Variants in KDM7A observed in about 807,000 individuals in gnomAD.
The protein encoded by KDM7A is lysine demethylase 7A.
In KDM7A, 28 loss-of-function variants were observed where a neutral mutation model predicts 114.8. That is an observed-to-expected ratio of 0.24 (90% confidence interval 0.18 to 0.33). The LOEUF is 0.33. KDM7A is among the 10% of genes least tolerant of loss of function. KDM7A has a pLI of 1.00. For synonymous variants in KDM7A, 423 were observed against 397.8 expected, an observed-to-expected ratio of 1.06 and a Z score of -0.75; for missense variants, 942 against 1,142.5, an observed-to-expected ratio of 0.82 and a Z score of 2.53.
chr7:140,105,103 G>A (rs770496190), intron 11 of KDM7A, among the ~76,000 whole-genome samples: 10 of 152,164 alleles, frequency 6.6e-5, no homozygotes, highest in Admixed American at 1.3e-4. Context: ...TGTTATTGGT[G>A]TATAGGAATG....
intron 7 of KDM7A, among the ~76,000 whole-genome samples, chr7:140,121,454 T>C (rs997982469): frequency 7.9e-5 from 12 of 152,334 alleles, no homozygotes; most frequent in East Asian, 5.8e-4. Context: ...AGTGTGCCCA[T>C]TGCTGTGCTC....
intron 11 of KDM7A, among the ~76,000 whole-genome samples, chr7:140,105,441 T>C (rs1255700375): frequency 1.3e-5 from 2 of 152,244 alleles, no homozygotes; most frequent in Non-Finnish European, 2.9e-5. Context: ...AAATAGCTCT[T>C]ATTATTTTGA....
rs138907313 is a variant in KDM7A at position 140,120,872 on chromosome 7, T to C, written c.1052-343A>G. ...ATCCTCTCACATTGGCCTCCCAAAG[T>C]GCTGAAATTAAGGCGTGAGCCACTG... On this transcript the variant is annotated intron_variant, in intron 7 of 19. Coordinates refer to ENST00000397560, the MANE Select transcript of KDM7A (RefSeq NM_030647.2). Among the ~76,000 whole-genome samples, 622 of 152,348 alleles carry C rather than the reference T, an allele frequency of 4.1e-3. 6 individuals are homozygous for C. Among genetic ancestry groups the C allele is most frequent in the Admixed American group, 7.6e-3 (116 of 15,300 alleles).
At chr7:140,140,417 T>C (rs1794252865) in intron 1 of KDM7A, among the ~76,000 whole-genome samples, 1 of 152,196 alleles carries the variant, frequency 6.6e-6, no homozygotes, top group Non-Finnish European at 1.5e-5. Flanking sequence ...GATACTTCCA[T>C]AATCTGGAAA....
intron 12 of KDM7A, among the ~76,000 whole-genome samples, chr7:140,100,713 T>TATACAC (rs1818201088): frequency 3.0e-5 from 1 of 33,096 alleles, no homozygotes; most frequent in Non-Finnish European, 8.2e-5. Flanking sequence ...TATATACACA[T>TATACAC]ATATATATAT....
At chr7:140,099,841 G>T in intron 13 of KDM7A, 58 bp downstream of exon 13, 1 of 1,529,582 alleles carries the variant, frequency 6.5e-7, no homozygotes, top group South Asian at 1.1e-5. Context: ...TGGGTTAAAT[G>T]AACAAAGGGA....
At chr7:140,131,520 GCA>G (rs1414569648) in intron 3 of KDM7A, among the ~76,000 whole-genome samples, 1 of 152,112 alleles carries the variant, frequency 6.6e-6, no homozygotes, top group African/African-American at 2.4e-5. Context: ...CTCTCGTAAG[GCA>G]AGGGCAAGCC....
Position 140,102,131 on chromosome 7 carries a change from C to T in KDM7A, c.1458G>A (p.Gln486=), listed in dbSNP as rs1367813384. 1.2e-6 allele frequency: 2 copies of T among 1,613,834 alleles called. No individual in the cohort carries two copies. The highest frequency in any genetic ancestry group is 1.3e-5 in the African/African-American group (1 of 74,914). ...EEENGKPVKS[Q]GIPIVCPVSR... ...AAACTGGACACACAATAGGAATTCC[C>T]TGAGATTTAACTGGTTTGCCGTTTT... is the stretch of plus-strand genomic sequence containing the variant. Residue 486 remains glutamine, a synonymous_variant, in exon 12 of 20, where the codon CAG becomes CAA. Transcript: ENST00000397560.
At chr7:140,099,655 C>G (rs997101555) in intron 13 of KDM7A, among the ~76,000 whole-genome samples, 1 of 152,190 alleles carries the variant, frequency 6.6e-6, no homozygotes, top group African/African-American at 2.4e-5. Context: ...ATTAGATTGT[C>G]ATAGGAGCGT....
At chr7:140,115,054 G>A (rs543347806) in intron 9 of KDM7A, among the ~76,000 whole-genome samples, 65 of 151,522 alleles carry the variant, frequency 4.3e-4, no homozygotes, top group African/African-American at 1.2e-3. Context: ...GCCCCTGCTC[G>A]GCCAGCCGCC....
intron 9 of KDM7A, among the ~76,000 whole-genome samples, chr7:140,114,114 G>A (rs370852148): frequency 9.9e-5 from 15 of 151,456 alleles, no homozygotes; most frequent in African/African-American, 3.4e-4. Context: ...CCAGAAAGAC[G>A]TATGTAACCA....
In KDM7A at chr7:140,091,974, T is replaced by C. The variant is rs1390955267; in HGVS notation, c.2561A>G (p.Gln854Arg). The C allele has an allele frequency of 6.2e-7, 1 of 1,614,136 alleles. No homozygotes were observed. Among genetic ancestry groups the C allele is most frequent in the South Asian group, 1.1e-5 (1 of 91,084 alleles). The change falls in exon 19 of 20, where the codon CAG (glutamine) becomes CGG (arginine). Residue 854 changes from glutamine to arginine, a missense_variant. Physicochemically the swap from Gln to Arg is conservative, Grantham distance 43 (BLOSUM62 1). Transcript: ENST00000397560. Reference protein sequence around the residue: ...NYVDSSGSSLQNGKYMQNSNL... With the variant: ...NYVDSSGSSLRNGKYMQNSNL... ...TGAATTCTGCATATACTTTCCATTC[T>C]GAAGGCTTGAGCCGCTGCTGTCCAC...
At chr7:140,132,942 C>T (rs759714923) in intron 3 of KDM7A, among the ~76,000 whole-genome samples, 3 of 152,164 alleles carry the variant, frequency 2.0e-5, no homozygotes, top group Non-Finnish European at 4.4e-5. Context: ...AGCATTATCA[C>T]TTGAAATAGA....
intron 11 of KDM7A, among the ~76,000 whole-genome samples, chr7:140,104,207 A>T (rs1818286596): frequency 1.3e-5 from 2 of 152,304 alleles, no homozygotes; most frequent in South Asian, 2.1e-4. Context: ...GATGCTGGAT[A>T]TTAGCCCATT....
At chr7:140,094,276 A>C (rs1818068451) in intron 17 of KDM7A, 138 bp from the exon 18 acceptor site, 1 of 657,228 alleles carries the variant, frequency 1.5e-6, no homozygotes, top group Admixed American at 2.3e-5. Flanking sequence ...AGGCCAAGGC[A>C]GGTCAATCAC....
At chr7:140,159,962 A>AC (rs935935820) in intron 1 of KDM7A, among the ~76,000 whole-genome samples, 3 of 151,708 alleles carry the variant, frequency 2.0e-5, no homozygotes, top group South Asian at 2.1e-4. Context: ...AAAAAAAAAA[A>AC]AAACCTGTAC....
Position 140,122,716 on chromosome 7 carries a change from T to C in KDM7A, c.1051+1905A>G, listed in dbSNP as rs551771158. 1.1e-3 allele frequency among the ~76,000 whole-genome samples: 162 copies of C among 152,310 alleles called. 2 individuals carry two copies. The highest frequency in any genetic ancestry group is 3.7e-3 in the African/African-American group (154 of 41,564). On this transcript the variant is annotated intron_variant, in intron 7 of 19. Coordinates refer to ENST00000397560, the MANE Select transcript of KDM7A (RefSeq NM_030647.2). ...CTCAAAATGAGAGGCCTGATACCTA[T>C]ACTTGAGGCTACAGCTAAGGCTGAT...
rs189940960 is a variant in KDM7A, at chr7:140,087,535, G to C, written c.*3559C>G. The C allele has an allele frequency of 6.6e-6, 1 of 152,284 alleles. No homozygotes were observed. Among genetic ancestry groups the C allele is most frequent in the African/African-American group, 2.4e-5 (1 of 41,578 alleles). 9.4% of individuals were successfully genotyped at this position (152,284 alleles called of 1,614,324 possible). On this transcript the variant is annotated 3_prime_UTR_variant, in exon 20 of 20. Coordinates refer to ENST00000397560, the MANE Select transcript of KDM7A (RefSeq NM_030647.2). ...ATATATAAAGGTGCATTAATTGCCA[G>C]TTTTAACTTAATGATAAGTTCTCTG...
At chr7:140,107,225 T>C (rs953321539) in intron 11 of KDM7A, among the ~76,000 whole-genome samples, 1 of 152,180 alleles carries the variant, frequency 6.6e-6, no homozygotes, top group African/African-American at 2.4e-5. Flanking sequence ...CTCTTTATCC[T>C]ATTTGCCGGT....
Sources: gnomAD v4.1 joint callset for allele counts (sites outside exome capture counted in the v4.1 genomes callset) on GRCh38, gnomAD v4.1.1 for gene constraint, MANE v1.5 for transcripts, NCBI Gene and HGNC (gene_info 2026-07-23, HGNC 2026-07-21) for gene names.